Variants in GSK3B observed in about 807,000 individuals in gnomAD.
GSK3B encodes the protein glycogen synthase kinase-3 beta.
Under a neutral mutation model 56.4 loss-of-function variants are expected in GSK3B, and 15 were observed. The ratio of observed to expected loss-of-function variants is 0.27; its 90% CI spans 0.18 to 0.41. The LOEUF (loss-of-function observed/expected upper bound fraction) is 0.41. Ranked by LOEUF, GSK3B falls within the 10% of genes least tolerant of loss-of-function variation. The pLI is 1.00. For synonymous variants in GSK3B, 181 were observed against 188.9 expected (o/e 0.96, Z 0.34); for missense variants, 300 against 513.4 (o/e 0.58, Z 4.02).
chr3:119,953,103 A>AT (rs2057174393), intron 2 of GSK3B, among the ~76,000 whole-genome samples: 1 of 152,196 alleles, frequency 6.6e-6, no homozygotes. Context: ...CAAGTGCTAT[A>AT]TTTTACAGAA....
intron 9 of GSK3B, among the ~76,000 whole-genome samples, chr3:119,855,657 G>A (rs1223402606): frequency 6.6e-6 from 1 of 152,162 alleles, no homozygotes; most frequent in African/African-American, 2.4e-5. Context: ...CCATAAAAAA[G>A]GATGAGTTCA....
intron 8 of GSK3B, among the ~76,000 whole-genome samples, chr3:119,872,188 G>A (rs769631717): frequency 2.0e-5 from 3 of 152,086 alleles, no homozygotes; most frequent in Non-Finnish European, 4.4e-5. Context: ...TGCATTTAAG[G>A]ATACAGGAAG....
At chr3:119,878,215 G>GA (rs1457234508) in intron 7 of GSK3B, among the ~76,000 whole-genome samples, 1 of 151,966 alleles carries the variant, frequency 6.6e-6, no homozygotes, top group African/African-American at 2.4e-5. Context: ...GAATATATTT[G>GA]CAAAATATAT....
chr3:119,824,345 ACAC>A lies in GSK3B; in HGVS notation c.*2440_*2442del. ...CACATCTCAGCACACACACACACAC[ACAC>A]ACACGCACACATGCACACACAATGA... On this transcript the variant is annotated 3_prime_UTR_variant, in exon 11 of 11. Coordinates refer to ENST00000264235, the MANE Select transcript of GSK3B (RefSeq NM_001146156.2). 1 of 224,064 alleles carries A rather than the reference ACAC, an allele frequency of 4.5e-6. No homozygotes were observed. The highest frequency in any genetic ancestry group is 8.9e-6 in the Non-Finnish European group (1 of 112,268). The allele number at this position is 224,064 out of a possible 1,614,324, so 13.9% of individuals were successfully genotyped here.
intron 10 of GSK3B, among the ~76,000 whole-genome samples, chr3:119,835,239 TG>T (rs1279260197): frequency 6.6e-6 from 1 of 152,176 alleles, no homozygotes; most frequent in African/African-American, 2.4e-5. Flanking sequence ...GTACTGACAG[TG>T]GGGAGTATGA....
intron 1 of GSK3B, among the ~76,000 whole-genome samples, chr3:120,067,492 C>T (rs1176462300): frequency 6.6e-6 from 1 of 152,162 alleles, no homozygotes; most frequent in Admixed American, 6.5e-5. Flanking sequence ...AAAGCCCTGA[C>T]ATAAAACTTT....
intron 7 of GSK3B, among the ~76,000 whole-genome samples, chr3:119,900,074 A>G (rs1369932570): frequency 6.6e-6 from 1 of 152,142 alleles, no homozygotes; most frequent in Non-Finnish European, 1.5e-5. Flanking sequence ...GTTAAGAGAA[A>G]ACTAAACAGT....
intron 5 of GSK3B, among the ~76,000 whole-genome samples, chr3:119,913,546 A>G (rs2056754907): frequency 6.6e-6 from 1 of 152,100 alleles, no homozygotes; most frequent in African/African-American, 2.4e-5. Context: ...AAGATAATCC[A>G]AAGACAGAAT....
chr3:119,827,791 C>T (rs1577297934), intron 10 of GSK3B, among the ~76,000 whole-genome samples: 1 of 148,758 alleles, frequency 6.7e-6, no homozygotes, highest in Non-Finnish European at 1.5e-5. Context: ...ACTGAACTCA[C>T]GGAGTTAGAG....
chr3:119,903,731 A>G (rs2056649188), intron 7 of GSK3B, among the ~76,000 whole-genome samples: 2 of 152,198 alleles, frequency 1.3e-5, no homozygotes, highest in African/African-American at 2.4e-5. Flanking sequence ...ATTAATGACA[A>G]ATCGCCACAA....
chr3:119,912,154 T>G (rs1300458194), intron 6 of GSK3B, among the ~76,000 whole-genome samples: 1 of 152,104 alleles, frequency 6.6e-6, no homozygotes, highest in Non-Finnish European at 1.5e-5. Flanking sequence ...TTGGCCTAAT[T>G]TCAATATTGT....
intron 1 of GSK3B, among the ~76,000 whole-genome samples, chr3:120,015,841 T>G (rs1388289482): frequency 6.6e-6 from 1 of 152,094 alleles, no homozygotes; most frequent in African/African-American, 2.4e-5. Flanking sequence ...AGTGCTTTTG[T>G]GTCTTCCTAT....
intron 1 of GSK3B, among the ~76,000 whole-genome samples, chr3:120,063,555 T>C (rs200514820): frequency 1.3e-5 from 2 of 150,690 alleles, no homozygotes; most frequent in Non-Finnish European, 3.0e-5. Flanking sequence ...GGTGAAACCC[T>C]GTCTCTACTA....
At position 120,011,733 on chromosome 3, in the gene GSK3B, G is replaced by A. The variant is rs139639326; in HGVS notation, c.89-9494C>T. The stretch of plus-strand genomic sequence containing the variant: ...CCATGGGTCGGTCAGCAACTAGCGT[G>A]CCAAGGAAAAGCGCATTACCATTTG... On this transcript the variant is annotated intron_variant, in intron 1 of 10. Coordinates refer to ENST00000264235, the MANE Select transcript of GSK3B (RefSeq NM_001146156.2). 3.5e-3 allele frequency among the ~76,000 whole-genome samples: 540 copies of A among 152,278 alleles called. 3 individuals are homozygous for A. The highest frequency in any genetic ancestry group is 0.013 in the African/African-American group (526 of 41,546).
At chr3:119,833,742 CTGGAG>C (rs2108001413) in intron 10 of GSK3B, among the ~76,000 whole-genome samples, 1 of 133,128 alleles carries the variant, frequency 7.5e-6, no homozygotes, top group African/African-American at 2.9e-5. Flanking sequence ...GTCACCTAGG[CTGGAG>C]TGCAGTGGCG....
chr3:120,050,476 A>T (rs1287603084), intron 1 of GSK3B, among the ~76,000 whole-genome samples: 1 of 152,234 alleles, frequency 6.6e-6, no homozygotes, highest in Non-Finnish European at 1.5e-5. Context: ...AACTAAAGTG[A>T]AGGCTCTAGT....
intron 8 of GSK3B, among the ~76,000 whole-genome samples, chr3:119,871,387 A>C (rs1484067071): frequency 6.6e-6 from 1 of 152,230 alleles, no homozygotes; most frequent in African/African-American, 2.4e-5. Flanking sequence ...TACAAAAGCT[A>C]CAGACACTTT....
intron 2 of GSK3B, among the ~76,000 whole-genome samples, chr3:119,967,832 CTT>C (rs1309481051): frequency 9.2e-4 from 62 of 67,590 alleles, no homozygotes; most frequent in Middle Eastern, 6.2e-3. Flanking sequence ...CTCTCTTTCT[CTT>C]TCTCTCTCTC....
At chr3:120,057,630 T>A (rs1427842885) in intron 1 of GSK3B, among the ~76,000 whole-genome samples, 2 of 152,220 alleles carry the variant, frequency 1.3e-5, no homozygotes, top group Non-Finnish European at 2.9e-5. Context: ...AATAAGCAGT[T>A]ACAATTTTTG....
Sources: allele counts gnomAD v4.1 joint callset (sites outside exome capture counted in the v4.1 genomes callset), GRCh38; gene constraint gnomAD v4.1.1; transcripts MANE v1.5; gene names NCBI Gene and HGNC (gene_info 2026-07-23, HGNC 2026-07-21).